KCNIP4: variants seen among roughly 807,000 people sequenced by gnomAD.
KCNIP4 encodes Kv channel-interacting protein 4.
A neutral mutation model predicts 34.0 loss-of-function variants in KCNIP4; 12 were observed. The ratio of observed to expected loss-of-function variants is 0.35; its 90% confidence interval spans 0.23 to 0.57. The LOEUF is 0.57. Ranked by LOEUF, KCNIP4 falls within the 20% of genes least tolerant of loss-of-function variation. KCNIP4 has a pLI of 0.83. For synonymous variants in KCNIP4, 124 were observed against 102.2 expected (o/e 1.21, Z -1.29); for missense variants, 238 against 311.7 (o/e 0.76, Z 1.78).
chr4:21,305,727 C>G (rs1712390571), intron 1 of KCNIP4, among the ~76,000 whole-genome samples: 1 of 152,196 alleles, frequency 6.6e-6, no homozygotes, highest in South Asian at 2.1e-4. Flanking sequence ...TTCCTTCACC[C>G]AAACTCATTC....
At chr4:21,326,415 C>A (rs572485846) in intron 1 of KCNIP4, among the ~76,000 whole-genome samples, 2 of 151,352 alleles carry the variant, frequency 1.3e-5, no homozygotes, top group African/African-American at 4.8e-5. Flanking sequence ...TAACTGTAGC[C>A]AATCCTGCTG....
At chr4:21,242,219 T>G (rs1759880234) in intron 1 of KCNIP4, among the ~76,000 whole-genome samples, 1 of 147,000 alleles carries the variant, frequency 6.8e-6, no homozygotes, top group Admixed American at 6.8e-5. Flanking sequence ...ACTCTCAGGG[T>G]TGTTGGGAGG....
intron 1 of KCNIP4, among the ~76,000 whole-genome samples, chr4:21,901,447 G>A (rs1727700043): frequency 6.6e-6 from 1 of 152,268 alleles, no homozygotes; most frequent in East Asian, 1.9e-4. Context: ...CACAAGCAAT[G>A]TGTAGTTTAT....
chr4:21,217,254 A>G (rs902550981), intron 1 of KCNIP4, among the ~76,000 whole-genome samples: 4 of 152,184 alleles, frequency 2.6e-5, no homozygotes, highest in African/African-American at 9.7e-5. Context: ...TCAGTCCCAT[A>G]ATAAGGGCTC....
intron 1 of KCNIP4, among the ~76,000 whole-genome samples, chr4:21,498,076 T>C (rs1732998873): frequency 6.6e-6 from 1 of 152,132 alleles, no homozygotes. Context: ...GAGAAATTAA[T>C]TTACAGATAT....
intron 1 of KCNIP4, among the ~76,000 whole-genome samples, chr4:21,742,457 A>G (rs1329129756): frequency 6.6e-6 from 1 of 152,186 alleles, no homozygotes; most frequent in African/African-American, 2.4e-5. Flanking sequence ...GATTCACTTT[A>G]CAATCATATT....
chr4:21,552,879 T>G (rs571073875), intron 1 of KCNIP4, among the ~76,000 whole-genome samples: 1 of 152,042 alleles, frequency 6.6e-6, no homozygotes, highest in East Asian at 1.9e-4. Flanking sequence ...AAAATAAAAT[T>G]TCTGCTGAGT....
chr4:21,662,495 A>C (rs2108992410), intron 1 of KCNIP4, among the ~76,000 whole-genome samples: 1 of 152,352 alleles, frequency 6.6e-6, no homozygotes, highest in Middle Eastern at 3.4e-3. Flanking sequence ...TATCCCATTA[A>C]AAATGTAGCA....
chr4:20,798,167 A>G (rs935343786), intron 3 of KCNIP4, among the ~76,000 whole-genome samples: 1 of 152,206 alleles, frequency 6.6e-6, no homozygotes, highest in African/African-American at 2.4e-5. Flanking sequence ...CATACAAGAC[A>G]ATTTTATGAC....
chr4:21,201,470 A>G (rs1022091153), intron 1 of KCNIP4, among the ~76,000 whole-genome samples: 1 of 152,162 alleles, frequency 6.6e-6, no homozygotes, highest in African/African-American at 2.4e-5. Context: ...GCAGGATACT[A>G]TGAATTGTGA....
At chr4:21,298,935 C>T (rs1007661161) in intron 1 of KCNIP4, among the ~76,000 whole-genome samples, 1 of 152,072 alleles carries the variant, frequency 6.6e-6, no homozygotes, top group Non-Finnish European at 1.5e-5. Flanking sequence ...TGTTGTAATG[C>T]TTAGGAAATG....
rs185864542 is a variant in KCNIP4, at chr4:20,816,082, C to G, written c.288+34461G>C. 2.9e-4 allele frequency among the ~76,000 whole-genome samples: 44 copies of G among 151,926 alleles called. No individual in the cohort carries two copies. In the East Asian group the frequency reaches 7.6e-3, roughly 26 times the overall value. ...TGGCCAACATGGCGAAACTCCGTCT[C>G]TACTAAAAAAAAATACAAAAATTAG... On this transcript the variant is annotated intron_variant, in intron 3 of 8. Coordinates refer to ENST00000382152, the MANE Select transcript of KCNIP4 (RefSeq NM_025221.6).
chr4:21,522,940 C>T (rs1374658489), intron 1 of KCNIP4, among the ~76,000 whole-genome samples: 1 of 151,814 alleles, frequency 6.6e-6, no homozygotes, highest in East Asian at 1.9e-4. Context: ...GTGTTGAATA[C>T]TAACATTCAA....
chr4:21,325,624 T>C (rs1308647560), intron 1 of KCNIP4, among the ~76,000 whole-genome samples: 3 of 150,152 alleles, frequency 2.0e-5, no homozygotes, highest in Admixed American at 6.6e-5. Context: ...TCTTTATTAC[T>C]TCTTCTACTA....
At chr4:21,780,143 A>G (rs1868742) in intron 1 of KCNIP4, among the ~76,000 whole-genome samples, 97,387 of 151,844 alleles carry the variant, frequency 0.64, 32,366 homozygotes, top group Non-Finnish European at 0.73. Flanking sequence ...GTTTTATAAC[A>G]GTATGAACAG....
intron 1 of KCNIP4, among the ~76,000 whole-genome samples, chr4:21,771,034 G>A (rs1718746997): frequency 6.6e-6 from 1 of 152,116 alleles, no homozygotes; most frequent in Non-Finnish European, 1.5e-5. Flanking sequence ...TGTCCCAAAT[G>A]ATATTGCCTA....
intron 1 of KCNIP4, among the ~76,000 whole-genome samples, chr4:21,553,280 G>T (rs1738725013): frequency 2.0e-5 from 3 of 152,098 alleles, no homozygotes; most frequent in Admixed American, 6.6e-5. Context: ...TCTCTCACTA[G>T]GTTTGTGTTA....
chr4:20,859,260 T>C lies in KCNIP4; in HGVS notation c.164-8593A>G, dbSNP rs531093839. 5.4e-4 allele frequency among the ~76,000 whole-genome samples: 82 copies of C among 152,192 alleles called. 1 individual carries two copies. The highest frequency in any genetic ancestry group is 1.7e-3 in the African/African-American group (70 of 41,516). ...CATTTTACCCCTGAGAAATTTAGAT[T>C]TGGGAAAGATGAATGTTTGTTTGAG... On this transcript the variant is annotated intron_variant, in intron 2 of 8. Transcript: ENST00000382152.
At chr4:21,574,000 G>A (rs1966048) in intron 1 of KCNIP4, among the ~76,000 whole-genome samples, 38,405 of 151,950 alleles carry the variant, frequency 0.25, 5,474 homozygotes, top group East Asian at 0.57. Flanking sequence ...GGGTGTCAAC[G>A]GCTTGGAAGA....
Sources: gnomAD v4.1 joint callset for allele counts (sites outside exome capture counted in the v4.1 genomes callset) on GRCh38, gnomAD v4.1.1 for gene constraint, MANE v1.5 for transcripts, NCBI Gene and HGNC (gene_info 2026-07-23, HGNC 2026-07-21) for gene names.